Variants in EHMT1 observed in about 807,000 individuals in gnomAD.
The protein encoded by EHMT1 is euchromatic histone lysine methyltransferase 1, also known as histone-lysine N-methyltransferase EHMT1.
Under a neutral mutation model 147.2 loss-of-function variants are expected in EHMT1, and 15 were observed. That is an observed-to-expected ratio of 0.10 (90% CI 0.07 to 0.16). The LOEUF (loss-of-function observed/expected upper bound fraction) is 0.16. EHMT1 is among the 10% of genes least tolerant of loss of function. EHMT1 has a pLI of 1.00. For missense variants in EHMT1, 1,587 were observed against 1,772.4 expected, an observed-to-expected ratio of 0.90 and a Z score of 1.88; for synonymous variants, 795 against 709.6, an observed-to-expected ratio of 1.12 and a Z score of -1.91.
intron 6 of EHMT1, among the ~76,000 whole-genome samples, chr9:137,749,436 T>C (rs986262229): frequency 1.3e-5 from 2 of 152,076 alleles, no homozygotes; most frequent in Non-Finnish European, 2.9e-5. Context: ...CATGTCCAGC[T>C]AATTTTTTTT....
chr9:137,816,987 C>G (rs1265342435), intron 23 of EHMT1: 2 of 251,938 alleles, frequency 7.9e-6, no homozygotes, highest in Non-Finnish European at 1.6e-5. Flanking sequence ...TCCCCCAGCC[C>G]TGAGAAACCC....
At chr9:137,759,696 G>T (rs1296280262) in intron 9 of EHMT1, among the ~76,000 whole-genome samples, 1 of 152,264 alleles carries the variant, frequency 6.6e-6, no homozygotes, top group South Asian at 2.1e-4. Flanking sequence ...GGCCTGTTCA[G>T]TCATGCTCTT....
At chr9:137,789,535 GTTTGGCAGCCGGACCTTGGC>G (rs1209316884) in intron 15 of EHMT1, among the ~76,000 whole-genome samples, 1 of 152,126 alleles carries the variant, frequency 6.6e-6, no homozygotes, top group Non-Finnish European at 1.5e-5. Flanking sequence ...TTACCTTCAG[GTTTGGCAGCCGGACCTTGGC>G]TTTGAGCTTT....
At chr9:137,637,294 G>A (rs190993522) in intron 1 of EHMT1, among the ~76,000 whole-genome samples, 39 of 152,188 alleles carry the variant, frequency 2.6e-4, no homozygotes, top group African/African-American at 8.7e-4. Flanking sequence ...TCCTGCCTCA[G>A]CCTCCCGAGT....
intron 9 of EHMT1, 30 bp from the exon 10 acceptor site, chr9:137,762,645 A>G: frequency 6.2e-7 from 1 of 1,614,120 alleles, no homozygotes; most frequent in Non-Finnish European, 8.5e-7. Flanking sequence ...TCAGGATTGC[A>G]TGAGCTGACA....
At chr9:137,654,594 G>T (rs1271427778) in intron 1 of EHMT1, among the ~76,000 whole-genome samples, 3 of 152,036 alleles carry the variant, frequency 2.0e-5, no homozygotes, top group Admixed American at 2.0e-4. Context: ...TGGCTATTCT[G>T]GGTCTCTTAA....
At chr9:137,754,432 TG>T in intron 8 of EHMT1, 141 bp downstream of exon 8, 2 of 1,265,632 alleles carry the variant, frequency 1.6e-6, no homozygotes, top group Non-Finnish European at 2.2e-6. Flanking sequence ...GAAATGACTT[TG>T]TTAGAGAAAC....
chr9:137,623,609 CG>C (rs2133459878), intron 1 of EHMT1, among the ~76,000 whole-genome samples: 1 of 151,988 alleles, frequency 6.6e-6, no homozygotes, highest in Admixed American at 6.6e-5. Flanking sequence ...TTGGTAGAGA[CG>C]GGGTTTCAAC....
At chr9:137,715,854 T>A in intron 2 of EHMT1, 3 of 984,708 alleles carry the variant, frequency 3.0e-6, no homozygotes, top group Non-Finnish European at 3.6e-6. Flanking sequence ...CACTCCATGT[T>A]TTATTATAGC....
intron 19 of EHMT1, 89 bp from the exon 20 acceptor site, chr9:137,812,917 T>C (rs1954610517): frequency 6.5e-7 from 1 of 1,538,586 alleles, no homozygotes; most frequent in African/African-American, 1.4e-5. Flanking sequence ...CCTTTATTGT[T>C]AGTGATGACG....
chr9:137,636,666 C>CAAA (rs1250208861), intron 1 of EHMT1, among the ~76,000 whole-genome samples: 2 of 151,930 alleles, frequency 1.3e-5, no homozygotes, highest in Non-Finnish European at 2.9e-5. Context: ...TAGTTTTTTT[C>CAAA]CTTTATTGAT....
At chr9:137,777,454 C>A in intron 12 of EHMT1, 1 of 220,208 alleles carries the variant, frequency 4.5e-6, no homozygotes, top group Non-Finnish European at 9.1e-6. Flanking sequence ...TACTACCCAG[C>A]AGAACAAAGA....
At chr9:137,708,676 A>T (rs73570051) in intron 1 of EHMT1, among the ~76,000 whole-genome samples, 1 of 152,222 alleles carries the variant, frequency 6.6e-6, no homozygotes, top group Non-Finnish European at 1.5e-5. Flanking sequence ...GAGTTTTAAC[A>T]TTGGCAACAA....
intron 18 of EHMT1, among the ~76,000 whole-genome samples, chr9:137,809,507 C>G (rs997624650): frequency 2.6e-5 from 4 of 152,156 alleles, no homozygotes; most frequent in Non-Finnish European, 4.4e-5. Flanking sequence ...CCTTGGGCCC[C>G]GAGCCTCCTC....
chr9:137,811,519 T>C lies in EHMT1; in HGVS notation c.2771T>C (p.Ile924Thr). The change falls in exon 19 of 27, where the codon ATC (isoleucine) becomes ACC (threonine). Residue 924 changes from isoleucine to threonine, a missense_variant. By Grantham distance (89) the Ile-to-Thr change is moderately conservative. Coordinates refer to ENST00000460843, the MANE Select transcript of EHMT1 (RefSeq NM_024757.5). Reference sequence around the variant, plus strand: ...TCCGGCTGCGTGGACATAGCCGAGATCCTGCTGGCTGCCAAGTGCGACCTC... The same window carrying C: ...TCCGGCTGCGTGGACATAGCCGAGACCCTGCTGGCTGCCAAGTGCGACCTC... ...AFSGCVDIAE[I>T]LLAAKCDLHA... 6.2e-7 allele frequency: 1 copy of C among 1,611,594 alleles called. No homozygotes were observed. Among genetic ancestry groups the C allele is most frequent in the East Asian group, 2.2e-5 (1 of 44,880 alleles).
At chr9:137,620,939 T>A (rs928610130) in intron 1 of EHMT1, among the ~76,000 whole-genome samples, 1 of 152,184 alleles carries the variant, frequency 6.6e-6, no homozygotes, top group Non-Finnish European at 1.5e-5. Flanking sequence ...GTGCCTTGCA[T>A]GAATTCAATA....
At chr9:137,760,279 C>T (rs959806151) in intron 9 of EHMT1, among the ~76,000 whole-genome samples, 6 of 152,176 alleles carry the variant, frequency 3.9e-5, no homozygotes, top group Non-Finnish European at 5.9e-5. Flanking sequence ...GTTATCCAAG[C>T]GTGTAGGCCC....
At chr9:137,695,328 T>G (rs1320938054) in intron 1 of EHMT1, among the ~76,000 whole-genome samples, 31 of 152,136 alleles carry the variant, frequency 2.0e-4, no homozygotes, top group Non-Finnish European at 2.9e-5. Context: ...TGCTGTGAGA[T>G]CTGTGTGTCG....
chr9:137,832,363 C>T (rs1185992034), intron 25 of EHMT1, among the ~76,000 whole-genome samples: 1 of 150,096 alleles, frequency 6.7e-6, no homozygotes, highest in Non-Finnish European at 1.5e-5. Context: ...CTGCACCTCG[C>T]TCCCGTCCTA....
Sources: gnomAD v4.1 joint callset for allele counts (sites outside exome capture counted in the v4.1 genomes callset) on GRCh38, gnomAD v4.1.1 for gene constraint, MANE v1.5 for transcripts, NCBI Gene and HGNC (gene_info 2026-07-23, HGNC 2026-07-21) for gene names.